LRP5: variants seen among roughly 807,000 people sequenced by gnomAD.
LRP5 encodes the protein LDL receptor related protein 5.
In LRP5, 62 loss-of-function variants were observed where a neutral mutation model predicts 154.1. The observed-to-expected ratio is 0.40, with a 90% confidence interval of 0.33 to 0.50. The LOEUF is 0.50. Among genes scored for constraint, LRP5 ranks in the 20% least tolerant of loss-of-function variants. LRP5 has a pLI of 0.55. For missense variants in LRP5, 1,915 were observed against 2,336.7 expected (o/e 0.82, Z 3.72); for synonymous variants, 966 against 1,011.5 (o/e 0.96, Z 0.85).
intron 21 of LRP5, 50 bp from the exon 22 acceptor site, chr11:68,446,385 GA>G (rs772151429): frequency 8.0e-7 from 1 of 1,249,636 alleles, no homozygotes; most frequent in Admixed American, 1.7e-5. Context: ...AGGAAGGAAG[GA>G]ATGCCCAGGC....
In LRP5 at chr11:68,399,783, C is replaced by T. The variant is rs868634954; in HGVS notation, c.1585-3700C>T. ...TGCCCCAGGTCTGGGGGAGGCCTGA[C>T]CCAGCAGAGTGGCTTTTGCCGATGG... On this transcript the variant is annotated intron_variant, in intron 7 of 22. Transcript: ENST00000294304. Among the ~76,000 whole-genome samples the T allele has an allele frequency of 3.9e-5, 6 of 152,210 alleles. No individual in the cohort carries two copies. The South Asian group carries it at 1.2e-3, about 31-fold the overall frequency.
intron 5 of LRP5, among the ~76,000 whole-genome samples, chr11:68,379,887 G>T (rs1372714425): frequency 1.3e-5 from 2 of 152,102 alleles, no homozygotes; most frequent in Non-Finnish European, 2.9e-5. Context: ...ATCCCAGCAC[G>T]TTGGGAGGCA....
intron 9 of LRP5, among the ~76,000 whole-genome samples, chr11:68,409,073 A>ATATATATATATATATATATATAT (rs1200045346): frequency 9.1e-5 from 4 of 44,168 alleles, no homozygotes; most frequent in African/African-American, 3.9e-4. Flanking sequence ...AAAAAAAAAA[A>ATATATATATATATATATATATAT]ATATATATAT....
At chr11:68,328,548 A>G (rs1224707733) in intron 1 of LRP5, among the ~76,000 whole-genome samples, 2 of 152,050 alleles carry the variant, frequency 1.3e-5, no homozygotes, top group Non-Finnish European at 2.9e-5. Flanking sequence ...AGGGGCTGGG[A>G]CGTCCCACCT....
In LRP5 at chr11:68,386,480, G is replaced by A; in HGVS notation, c.1180G>A (p.Val394Met). ...EGYVYWTDDEVRAIRRAYLDG... is the reference protein window; with the variant it reads ...EGYVYWTDDEMRAIRRAYLDG... ...CTATGTCTACTGGACAGATGACGAGGTGCGGGCCATCCGCAGGGCGTACCT... is the reference window on the plus strand; with the variant it reads ...CTATGTCTACTGGACAGATGACGAGATGCGGGCCATCCGCAGGGCGTACCT... The change falls in exon 6 of 23, where the codon GTG (valine) becomes ATG (methionine). Residue 394 changes from valine (V) to methionine (M), a missense_variant. Transcript: ENST00000294304. The surrounding 1 kb of genome is among the most constrained non-coding windows in gnomAD (Gnocchi z 7.9). 7 of 1,614,130 alleles carry A rather than the reference G, an allele frequency of 4.3e-6. No individual in the cohort carries two copies. The highest frequency in any genetic ancestry group is 5.9e-6 in the Non-Finnish European group (7 of 1,180,030).
intron 17 of LRP5, among the ~76,000 whole-genome samples, chr11:68,431,363 C>G (rs2098671805): frequency 6.6e-6 from 1 of 151,678 alleles, no homozygotes; most frequent in African/African-American, 2.4e-5. Flanking sequence ...CCTCACCCTC[C>G]CAAGTAGCTG....
At chr11:68,316,081 T>C (rs2098593205) in intron 1 of LRP5, among the ~76,000 whole-genome samples, 1 of 152,120 alleles carries the variant, frequency 6.6e-6, no homozygotes, top group African/African-American at 2.4e-5. Flanking sequence ...CCATACCCAT[T>C]ACACGGTGAC....
the LRP5 span, among the ~76,000 whole-genome samples, chr11:68,302,394 G>A: frequency 2.6e-5 from 4 of 151,832 alleles, no homozygotes; most frequent in Non-Finnish European, 4.4e-5. Context: ...GCCCGGTCCT[G>A]GGGCCTGCTC....
At chr11:68,356,006 AT>A (rs965327967) in intron 2 of LRP5, among the ~76,000 whole-genome samples, 53 of 146,590 alleles carry the variant, frequency 3.6e-4, no homozygotes, top group East Asian at 2.2e-3. Flanking sequence ...TGCCCGGCTA[AT>A]TTTTTTTTTT....
At chr11:68,319,279 G>A (rs2153113493) in intron 1 of LRP5, among the ~76,000 whole-genome samples, 1 of 152,114 alleles carries the variant, frequency 6.6e-6, no homozygotes, top group Non-Finnish European at 1.5e-5. Context: ...CGTTGGCCAG[G>A]CTGGTCTCGA....
rs781042698 is a variant in LRP5 at position 68,448,763 on chromosome 11, C to T, written c.4587-46C>T. The T allele has an allele frequency of 2.1e-5, 34 of 1,599,114 alleles. No individual in the cohort carries two copies. In the East Asian group the frequency reaches 3.1e-4, roughly 15 times the overall value. ...CCCGGGGCTGCTGTGCCCACCAGGG[C>T]GGATGTGCCTACCGAATCCCACTCC... On this transcript the variant is annotated intron_variant, in intron 22 of 22. Coordinates refer to ENST00000294304, the MANE Select transcript of LRP5 (RefSeq NM_002335.4).
chr11:68,438,332 C>T, intron 19 of LRP5, 114 bp from the exon 20 acceptor site: 1 of 1,036,956 alleles, frequency 9.6e-7, no homozygotes, highest in South Asian at 1.3e-5. Context: ...ACTTTCTCCC[C>T]ACCCTCCACC....
At chr11:68,320,400 A>G (rs1376992561) in intron 1 of LRP5, among the ~76,000 whole-genome samples, 1 of 150,654 alleles carries the variant, frequency 6.6e-6, no homozygotes, top group Non-Finnish European at 1.5e-5. Flanking sequence ...CAAATTGCCT[A>G]CACTTATCCT....
intron 1 of LRP5, among the ~76,000 whole-genome samples, chr11:68,342,715 C>G (rs554898889): frequency 6.6e-6 from 1 of 152,366 alleles, no homozygotes; most frequent in East Asian, 1.9e-4. Context: ...CTGGGGCCTG[C>G]CGCTCCTGCC....
At chr11:68,360,259 T>G (rs2098626671) in intron 3 of LRP5, among the ~76,000 whole-genome samples, 1 of 152,226 alleles carries the variant, frequency 6.6e-6, no homozygotes, top group South Asian at 2.1e-4. Flanking sequence ...TTAAGCCATG[T>G]GTCCACCTCG....
intron 10 of LRP5, 101 bp downstream of exon 10, chr11:68,410,241 G>C: frequency 2.2e-6 from 2 of 890,020 alleles, no homozygotes; most frequent in South Asian, 2.8e-5. Flanking sequence ...GTGGCCCTCG[G>C]TGATTAGAGC....
intron 17 of LRP5, among the ~76,000 whole-genome samples, chr11:68,431,210 AG>A (rs2098671660): frequency 6.8e-6 from 1 of 147,694 alleles, no homozygotes; most frequent in Non-Finnish European, 1.5e-5. Context: ...TACAGACAGC[AG>A]CACACACTGG....
Position 68,448,201 on chromosome 11 carries a change from C to T in LRP5, c.4587-608C>T, listed in dbSNP as rs1282792094. Among the ~76,000 whole-genome samples, 3 of 152,184 alleles carry T rather than the reference C, an allele frequency of 2.0e-5. No homozygotes were observed. In the East Asian group the frequency reaches 5.8e-4, roughly 29 times the overall value. ...TGAGATTTATTCACTACCACGAGAA[C>T]AGTATGGGGGGAACCACCCCCATGA... On this transcript the variant is annotated intron_variant, in intron 22 of 22. Transcript: ENST00000294304.
chr11:68,440,755 T>C (rs2098677756), intron 21 of LRP5, among the ~76,000 whole-genome samples: 1 of 152,002 alleles, frequency 6.6e-6, no homozygotes, highest in South Asian at 2.1e-4. Context: ...TGGGGTCTTG[T>C]CTTCTTGTTT....
Sources: allele counts gnomAD v4.1 joint callset (sites outside exome capture counted in the v4.1 genomes callset), GRCh38; gene constraint gnomAD v4.1.1; non-coding constraint Gnocchi (gnomAD v3.1); transcripts MANE v1.5; gene names NCBI Gene and HGNC (gene_info 2026-07-23, HGNC 2026-07-21).